Variants in CNGB1 observed in about 807,000 individuals in gnomAD.
CNGB1 encodes cyclic nucleotide-gated channel beta-1.
A neutral mutation model predicts 151.7 loss-of-function variants in CNGB1; 126 were observed. That is an observed-to-expected ratio of 0.83 (90% CI 0.72 to 0.96). CNGB1 has a LOEUF of 0.96. Among genes scored for constraint, CNGB1 ranks in the 40% least tolerant of loss-of-function variants. The pLI, the probability that CNGB1 is intolerant of heterozygous loss-of-function variation, is 0.00. For synonymous variants in CNGB1, 623 were observed against 635.1 expected, an observed-to-expected ratio of 0.98 and a Z score of 0.29; for missense variants, 1,698 against 1,627.0, an observed-to-expected ratio of 1.04 and a Z score of -0.75.
At chr16:57,910,519 C>T (rs116907123) in intron 25 of CNGB1, among the ~76,000 whole-genome samples, 5,908 of 152,096 alleles carry the variant, frequency 0.039, 156 homozygotes, top group Non-Finnish European at 0.055. Flanking sequence ...AGACTACAGG[C>T]GCTGCCACCA....
intron 32 of CNGB1, 45 bp downstream of exon 32, chr16:57,887,810 C>T (rs769343878): frequency 6.3e-7 from 1 of 1,589,756 alleles, no homozygotes; most frequent in Non-Finnish European, 8.6e-7. Flanking sequence ...TTCTCCCTGA[C>T]ACATATTGAA....
chr16:57,948,415 A>G (rs1217815377), intron 14 of CNGB1, among the ~76,000 whole-genome samples: 1 of 151,024 alleles, frequency 6.6e-6, no homozygotes, highest in African/African-American at 2.4e-5. Flanking sequence ...TCGGCCTCCC[A>G]GAGTGCTGGG....
chr16:57,903,704 A>AG, intron 27 of CNGB1, 118 bp downstream of exon 27: 2 of 1,250,492 alleles, frequency 1.6e-6, no homozygotes, highest in Non-Finnish European at 2.3e-6. Flanking sequence ...GACAGGCCCC[A>AG]GTACTCGGGA....
rs1959827089 is a variant in CNGB1 at position 57,883,979 on chromosome 16, G to T, written c.*185C>A. 1 of 753,152 alleles carries T rather than the reference G, an allele frequency of 1.3e-6. No individual in the cohort carries two copies. Among genetic ancestry groups the T allele is most frequent in the Non-Finnish European group, 2.2e-6 (1 of 452,176 alleles). The allele number at this position is 753,152 out of a possible 1,614,324, so 46.7% of individuals were successfully genotyped here. A position where few individuals can be genotyped will look rare whatever the true frequency, so the allele number is the denominator to read the frequency against. On this transcript the variant is annotated 3_prime_UTR_variant, in exon 33 of 33. Coordinates refer to ENST00000251102, the MANE Select transcript of CNGB1 (RefSeq NM_001297.5). ...ACTTGTCGAGCTCAGGCCCAGCCCC[G>T]CGAGGAGCTGAGTCGGGGCTGGCGT...
intron 32 of CNGB1, among the ~76,000 whole-genome samples, chr16:57,885,639 G>A (rs1218583781): frequency 6.8e-6 from 1 of 147,406 alleles, no homozygotes; most frequent in Non-Finnish European, 1.5e-5. Context: ...TGCCACCCGG[G>A]ATGGAGTGCA....
Position 57,960,140 on chromosome 16 carries a change from C to CTAA in CNGB1, c.584-76_584-75insTTA. The CTAA allele has an allele frequency of 2.6e-6, 4 of 1,527,522 alleles. No homozygotes were observed. In the Admixed American group the frequency reaches 7.9e-5, roughly 30 times the overall value. 94.6% of individuals were successfully genotyped at this position (1,527,522 alleles called of 1,614,324 possible). A position where few individuals can be genotyped will look rare whatever the true frequency, so the allele number is the denominator to read the frequency against. On this transcript the variant is annotated intron_variant, in intron 9 of 32. Coordinates refer to ENST00000251102, the MANE Select transcript of CNGB1 (RefSeq NM_001297.5). ...CCTCCAACCCCTCAAGGGCACGGGGCCAGATTCGAGTCGCTAACAGGACTG... is the reference window on the plus strand; with the variant it reads ...CCTCCAACCCCTCAAGGGCACGGGGCTAACAGATTCGAGTCGCTAACAGGACTG...
intron 7 of CNGB1, among the ~76,000 whole-genome samples, chr16:57,962,093 A>G: frequency 6.6e-6 from 1 of 152,160 alleles, no homozygotes; most frequent in East Asian, 1.9e-4. Flanking sequence ...CCCTTCTCGG[A>G]GCTCCCTGGC....
chr16:57,901,246 C>A, intron 29 of CNGB1, 106 bp downstream of exon 29: 3 of 1,106,594 alleles, frequency 2.7e-6, no homozygotes, highest in South Asian at 2.5e-5. Flanking sequence ...CCCTCCCCAA[C>A]AATCTCGCTC....
intron 10 of CNGB1, 144 bp downstream of exon 10, chr16:57,959,744 C>T (rs1008449353): frequency 9.6e-6 from 10 of 1,042,216 alleles, no homozygotes; most frequent in South Asian, 8.1e-5. Flanking sequence ...GGAAAGGGCA[C>T]GAAGCTGATG....
chr16:57,924,771 C>T (rs1189177013), intron 17 of CNGB1, among the ~76,000 whole-genome samples: 2 of 152,058 alleles, frequency 1.3e-5, no homozygotes, highest in African/African-American at 4.8e-5. Context: ...CAACATCCCC[C>T]CTTGGTACTG....
intron 12 of CNGB1, chr16:57,954,991 C>T: frequency 5.3e-6 from 6 of 1,126,706 alleles, no homozygotes; most frequent in Non-Finnish European, 5.5e-6. Context: ...TCAAGCAATC[C>T]TCCTGCCTCA....
chr16:57,913,218 T>A (rs1285955790), intron 23 of CNGB1, among the ~76,000 whole-genome samples: 1 of 152,206 alleles, frequency 6.6e-6, no homozygotes, highest in Admixed American at 6.5e-5. Context: ...GGAAATGACA[T>A]GTAATCTTGT....
At chr16:57,923,234 G>A (rs247065) in intron 18 of CNGB1, 39 bp downstream of exon 18, 8 of 1,258,796 alleles carry the variant, frequency 6.4e-6, no homozygotes, top group African/African-American at 3.0e-5. Context: ...CACCCTCCCC[G>A]CAGTCTTTCA....
chr16:57,895,914 T>C (rs1335031695), intron 31 of CNGB1, among the ~76,000 whole-genome samples: 1 of 152,180 alleles, frequency 6.6e-6, no homozygotes, highest in African/African-American at 2.4e-5. Flanking sequence ...AAAATAATGA[T>C]TGTTAACAGA....
chr16:57,897,674 C>A, intron 30 of CNGB1, 122 bp downstream of exon 30: 1 of 1,531,706 alleles, frequency 6.5e-7, no homozygotes. Flanking sequence ...CCCCCATCCC[C>A]GCATACATCA....
At chr16:57,949,588 G>A (rs1029175829) in intron 13 of CNGB1, 149 bp from the exon 14 acceptor site, 13 of 1,219,976 alleles carry the variant, frequency 1.1e-5, no homozygotes, top group Non-Finnish European at 1.6e-5. Flanking sequence ...AGCCCCACCC[G>A]AGCAACCCTG....
chr16:57,915,453 A>G (rs1240510753), intron 22 of CNGB1, 118 bp from the exon 23 acceptor site: 2 of 817,764 alleles, frequency 2.4e-6, no homozygotes, highest in African/African-American at 3.4e-5. Flanking sequence ...ATGCCCCAGT[A>G]GAGCTTAAAA....
At chr16:57,964,074 G>A (rs537755233) in intron 4 of CNGB1, 56 bp downstream of exon 4, 2 of 1,545,906 alleles carry the variant, frequency 1.3e-6, no homozygotes, top group Non-Finnish European at 1.8e-6. Context: ...CTCCCTAGCT[G>A]GGAGGGTAGT....
chr16:57,935,687 A>T (rs956300415), intron 16 of CNGB1, among the ~76,000 whole-genome samples: 4 of 152,234 alleles, frequency 2.6e-5, no homozygotes, highest in African/African-American at 9.6e-5. Flanking sequence ...TTTAGCAGTT[A>T]TCAGGGAGTG....
Sources: gnomAD v4.1 joint callset for allele counts (sites outside exome capture counted in the v4.1 genomes callset) on GRCh38, gnomAD v4.1.1 for gene constraint, MANE v1.5 for transcripts, NCBI Gene and HGNC (gene_info 2026-07-23, HGNC 2026-07-21) for gene names.